Variants in RBFOX3 observed in about 807,000 individuals in gnomAD.
The protein encoded by RBFOX3 is RNA binding fox-1 homolog 3, also known as RNA binding protein fox-1 homolog 3.
RBFOX3 carries 17 observed loss-of-function variants against 48.7 expected under a neutral mutation model. The observed-to-expected ratio is 0.35, with a 90% confidence interval of 0.24 to 0.52. The LOEUF (loss-of-function observed/expected upper bound fraction) is 0.52, where lower values mean the gene tolerates loss of function less well. Ranked by LOEUF, RBFOX3 falls within the 20% of genes least tolerant of loss-of-function variation. The pLI is 0.94. For synonymous variants in RBFOX3, 212 were observed against 209.5 expected (o/e 1.01, Z -0.10); for missense variants, 382 against 497.5 (o/e 0.77, Z 2.21).
rs573179413 is a variant in RBFOX3, at chr17:79,256,688, C to T, written c.-73-20883G>A. Among the ~76,000 whole-genome samples, 142 of 152,182 alleles carry T rather than the reference C, an allele frequency of 9.3e-4. 2 individuals are homozygous for T. Among genetic ancestry groups the T allele is most frequent in the African/African-American group, 3.2e-3 (133 of 41,504 alleles). On this transcript the variant is annotated intron_variant, in intron 3 of 14. Coordinates refer to ENST00000693108, the MANE Select transcript of RBFOX3 (RefSeq NM_001350451.2). ...ATCCCAGCACTTTGGGAGGCCGAGG[C>T]AGGTGGATCACCTGAGGTCAGGAGT...
rs1347580069 is a variant in RBFOX3 at position 79,423,035 on chromosome 17, C to T, written c.-175+59419G>A. Among the ~76,000 whole-genome samples, 3 of 152,162 alleles carry T rather than the reference C, an allele frequency of 2.0e-5. No homozygotes were observed. The highest frequency in any genetic ancestry group is 7.2e-5 in the African/African-American group (3 of 41,430). ...TCCTCACAGGCACGGGACAGGCCGG[C>T]CCCTGCGACGGGACTTCGGGTGCCC... On this transcript the variant is annotated intron_variant, in intron 2 of 14. Coordinates refer to ENST00000693108, the MANE Select transcript of RBFOX3 (RefSeq NM_001350451.2). The surrounding 1 kb of genome is among the most constrained non-coding windows in gnomAD (Gnocchi z 4.9).
intron 4 of RBFOX3, among the ~76,000 whole-genome samples, chr17:79,142,152 C>G (rs2042041962): frequency 6.6e-6 from 1 of 152,220 alleles, no homozygotes; most frequent in African/African-American, 2.4e-5. Context: ...CACAACCTTG[C>G]AGTAAATAAA....
chr17:79,213,948 C>T (rs8073789), intron 4 of RBFOX3, among the ~76,000 whole-genome samples: 17,973 of 152,192 alleles, frequency 0.12, 1,476 homozygotes, highest in African/African-American at 0.23. Context: ...CAAGACATCG[C>T]GTGCTGCCTG....
intron 3 of RBFOX3, among the ~76,000 whole-genome samples, chr17:79,277,355 A>C (rs1307731087): frequency 6.6e-6 from 1 of 152,138 alleles, no homozygotes; most frequent in Non-Finnish European, 1.5e-5. Flanking sequence ...ATACAGATAT[A>C]AGTATTACAA....
At chr17:79,476,597 T>G (rs1188882349) in intron 2 of RBFOX3, among the ~76,000 whole-genome samples, 1 of 152,090 alleles carries the variant, frequency 6.6e-6, no homozygotes, top group Non-Finnish European at 1.5e-5. Context: ...TGTTTCCCCT[T>G]GAAGGGGAAA....
At chr17:79,190,147 C>T (rs2054173531) in intron 4 of RBFOX3, among the ~76,000 whole-genome samples, 1 of 152,248 alleles carries the variant, frequency 6.6e-6, no homozygotes, top group Non-Finnish European at 1.5e-5. Flanking sequence ...TGCAGTGGCT[C>T]ACGCCTGTAA....
chr17:79,541,611 T>C (rs2089704988), intron 1 of RBFOX3, among the ~76,000 whole-genome samples: 1 of 152,156 alleles, frequency 6.6e-6, no homozygotes, highest in African/African-American at 2.4e-5. Context: ...GCCCATGTGA[T>C]GGCAAATCCA....
chr17:79,539,917 G>T (rs549875654), intron 1 of RBFOX3, among the ~76,000 whole-genome samples: 1 of 152,124 alleles, frequency 6.6e-6, no homozygotes, highest in African/African-American at 2.4e-5. Flanking sequence ...TAGGTCCCAC[G>T]CGATGTGTAA....
chr17:79,310,003 C>G (rs1413586343), intron 2 of RBFOX3, among the ~76,000 whole-genome samples: 5 of 152,178 alleles, frequency 3.3e-5, no homozygotes, highest in Non-Finnish European at 5.9e-5. Context: ...GCACAACGCC[C>G]TAAAACGGAA....
chr17:79,601,476 G>T (rs2093704504), intron 1 of RBFOX3: 1 of 152,168 alleles, frequency 6.6e-6, no homozygotes, highest in African/African-American at 2.4e-5. Flanking sequence ...AATATTTTCT[G>T]TAATTTTAGT....
intron 4 of RBFOX3, among the ~76,000 whole-genome samples, chr17:79,185,823 T>C (rs2053286156): frequency 6.6e-6 from 1 of 152,078 alleles, no homozygotes; most frequent in Non-Finnish European, 1.5e-5. Context: ...TTTTCCTTAT[T>C]GAGAACCCAC....
chr17:79,412,344 TTG>T (rs370150928), intron 2 of RBFOX3, among the ~76,000 whole-genome samples: 107 of 151,916 alleles, frequency 7.0e-4, no homozygotes, highest in African/African-American at 2.5e-3. Flanking sequence ...TATGCACATG[TTG>T]TGATATGTGT....
chr17:79,337,275 G>A (rs1224903972), intron 2 of RBFOX3, among the ~76,000 whole-genome samples: 1 of 152,136 alleles, frequency 6.6e-6, no homozygotes, highest in East Asian at 1.9e-4. Flanking sequence ...ATTAATCCCA[G>A]GTGGGATGGA....
chr17:79,196,487 A>G (rs1190563590), intron 4 of RBFOX3, among the ~76,000 whole-genome samples: 2 of 152,252 alleles, frequency 1.3e-5, no homozygotes, highest in Non-Finnish European at 2.9e-5. Context: ...ATTCAAAAAC[A>G]TGTCATATAC....
At chr17:79,608,157 C>A (rs2093879116) in intron 1 of RBFOX3, among the ~76,000 whole-genome samples, 1 of 152,192 alleles carries the variant, frequency 6.6e-6, no homozygotes, top group Non-Finnish European at 1.5e-5. Context: ...CTGGCGCCCG[C>A]TGAGTGCCTG....
At position 79,150,642 on chromosome 17, in the gene RBFOX3, C is replaced by A. The variant is rs537090112; in HGVS notation, c.-33-34894G>T. Among the ~76,000 whole-genome samples, 3 of 152,278 alleles carry A rather than the reference C, an allele frequency of 2.0e-5. No individual in the cohort carries two copies. The East Asian group carries it at 5.8e-4, about 29-fold the overall frequency. ...GGGGATACCTGACCACCTCTGGGGG[C>A]AAGGCCAGGCCTGCCAGGGGCAGGG... On this transcript the variant is annotated intron_variant, in intron 4 of 14. Transcript: ENST00000693108.
the RBFOX3 span, among the ~76,000 whole-genome samples, chr17:79,628,582 A>T: frequency 2.8e-4 from 43 of 152,280 alleles, no homozygotes; most frequent in East Asian, 1.9e-4. Flanking sequence ...AAAAGTAGCC[A>T]TTTAAAGTGT....
chr17:79,589,677 C>G (rs1443421420), intron 1 of RBFOX3, among the ~76,000 whole-genome samples: 1 of 152,136 alleles, frequency 6.6e-6, no homozygotes, highest in African/African-American at 2.4e-5. Context: ...GAGCTGGGAC[C>G]CCCTGGAAGG....
chr17:79,331,844 A>G (rs2080354491), intron 2 of RBFOX3, among the ~76,000 whole-genome samples: 2 of 152,072 alleles, frequency 1.3e-5, no homozygotes, highest in South Asian at 4.2e-4. Context: ...TTCTTCGACT[A>G]TTTTTCTCAA....
Sources: gnomAD v4.1 joint callset for allele counts (sites outside exome capture counted in the v4.1 genomes callset) on GRCh38, gnomAD v4.1.1 for gene constraint, Gnocchi (gnomAD v3.1) non-coding constraint, MANE v1.5 for transcripts, NCBI Gene and HGNC (gene_info 2026-07-23, HGNC 2026-07-21) for gene names.